Variants in PDE7B observed in about 807,000 individuals in gnomAD.
PDE7B encodes the protein 3',5'-cyclic-AMP phosphodiesterase 7B.
PDE7B carries 29 observed loss-of-function variants against 56.2 expected under a neutral mutation model. The ratio of observed to expected loss-of-function variants is 0.52; its 90% CI spans 0.38 to 0.70. PDE7B has a LOEUF of 0.70. Among genes scored for constraint, PDE7B ranks in the 30% least tolerant of loss-of-function variants. The pLI, the probability that PDE7B is intolerant of heterozygous loss-of-function variation, is 0.00. For missense variants in PDE7B, 490 were observed against 565.0 expected, an observed-to-expected ratio of 0.87 and a Z score of 1.35; for synonymous variants, 197 against 196.9, an observed-to-expected ratio of 1.00 and a Z score of 0.00.
intron 1 of PDE7B, among the ~76,000 whole-genome samples, chr6:135,945,013 G>C (rs1337597347): frequency 6.6e-6 from 1 of 152,178 alleles, no homozygotes. Context: ...TTGCCTAGAA[G>C]TTTAGAACAT....
chr6:136,147,427 A>G lies in PDE7B; in HGVS notation c.243A>G (p.Ala81=), dbSNP rs541320660. 14 of 1,613,566 alleles carry G rather than the reference A, an allele frequency of 8.7e-6. No individual in the cohort carries two copies. In the South Asian group the frequency reaches 1.4e-4, roughly 16 times the overall value. Reference sequence around the variant, plus strand: ...TAAGCTTTCAAAGATACTTCCATGCATCAAGGCTGCTTCGTGGAATTATAC... The same window carrying G: ...TAAGCTTTCAAAGATACTTCCATGCGTCAAGGCTGCTTCGTGGAATTATAC... ...RLLSFQRYFH[A]SRLLRGIIPQ... is the part of the protein sequence containing the mutation. Residue 81 remains alanine (A), a synonymous_variant, in exon 4 of 13, where the codon GCA becomes GCG. Coordinates refer to ENST00000308191, the MANE Select transcript of PDE7B (RefSeq NM_018945.4).
intron 1 of PDE7B, among the ~76,000 whole-genome samples, chr6:135,886,486 C>T (rs114764586): frequency 0.022 from 3,320 of 151,808 alleles, 135 homozygotes; most frequent in African/African-American, 0.075. Flanking sequence ...GAGCAGCATA[C>T]ACTGTACTCA....
chr6:136,154,201 C>T, intron 7 of PDE7B, 26 bp downstream of exon 7: 2 of 1,475,818 alleles, frequency 1.4e-6, no homozygotes, highest in Non-Finnish European at 1.9e-6. Flanking sequence ...GCTGCCTCCT[C>T]AGCCACCTGG....
intron 1 of PDE7B, among the ~76,000 whole-genome samples, chr6:135,935,016 TAAATATATA>T (rs1774384951): frequency 4.6e-5 from 3 of 65,542 alleles, no homozygotes; most frequent in East Asian, 1.1e-3. Flanking sequence ...TATATATAAA[TAAATATATA>T]ATATATATTT....
At chr6:136,124,031 T>C (rs994656808) in intron 3 of PDE7B, among the ~76,000 whole-genome samples, 1 of 152,210 alleles carries the variant, frequency 6.6e-6, no homozygotes, top group Admixed American at 6.5e-5. Flanking sequence ...GAACTTTCTA[T>C]TGAACAGTTC....
At chr6:135,985,238 G>C (rs1212461394) in intron 2 of PDE7B, among the ~76,000 whole-genome samples, 1 of 152,150 alleles carries the variant, frequency 6.6e-6, no homozygotes, top group African/African-American at 2.4e-5. Context: ...CCATATAGCT[G>C]TTTCCTTATT....
intron 2 of PDE7B, among the ~76,000 whole-genome samples, chr6:136,009,987 C>T (rs1209388155): frequency 6.6e-6 from 1 of 152,150 alleles, no homozygotes; most frequent in Non-Finnish European, 1.5e-5. Flanking sequence ...CTTCTGCTAG[C>T]TTTGGGGTTG....
chr6:136,132,736 T>A (rs1038213), intron 3 of PDE7B, among the ~76,000 whole-genome samples: 73,669 of 151,998 alleles, frequency 0.48, 19,752 homozygotes, highest in African/African-American at 0.74. Context: ...GTCTTTGGGA[T>A]CCATTCAGAC....
chr6:135,979,970 C>T (rs1285625656), intron 2 of PDE7B, among the ~76,000 whole-genome samples: 10 of 152,068 alleles, frequency 6.6e-5, no homozygotes, highest in Admixed American at 6.6e-4. Context: ...CAAAAAAGAG[C>T]CCACATCGCC....
intron 2 of PDE7B, among the ~76,000 whole-genome samples, chr6:135,978,835 T>A (rs1775239576): frequency 1.3e-5 from 2 of 152,106 alleles, no homozygotes; most frequent in Admixed American, 1.3e-4. Context: ...AGGGACAATT[T>A]GACTTCCTCT....
At chr6:135,977,719 G>A (rs375479229) in intron 2 of PDE7B, among the ~76,000 whole-genome samples, 7 of 152,102 alleles carry the variant, frequency 4.6e-5, no homozygotes, top group Admixed American at 3.3e-4. Context: ...TGAGAGAAAG[G>A]GGGTGGGTTA....
intron 1 of PDE7B, among the ~76,000 whole-genome samples, chr6:135,935,200 A>ATATATTTT (rs1774398905): frequency 7.0e-5 from 6 of 86,020 alleles, no homozygotes; most frequent in Admixed American, 1.6e-4. Flanking sequence ...TTATATATAT[A>ATATATTTT]TATATATATA....
Position 136,110,711 on chromosome 6 carries a change from CAT to C in PDE7B, c.166+1898_166+1899del, listed in dbSNP as rs1491132362. On this transcript the variant is annotated intron_variant, in intron 3 of 12. Transcript: ENST00000308191. ...TTATCTACATCATAGGATTCTGCAACATTTTTTTTTTTTTTTTTTTTTACAAT... is the reference window on the plus strand; with the variant it reads ...TTATCTACATCATAGGATTCTGCAACTTTTTTTTTTTTTTTTTTTTACAAT... Among the ~76,000 whole-genome samples the C allele has an allele frequency of 6.6e-4, 92 of 138,632 alleles. 1 individual carries two copies. The highest frequency in any genetic ancestry group is 2.5e-3 in the African/African-American group (89 of 35,352). 90.9% of individuals were successfully genotyped at this position (138,632 alleles called of 152,430 possible).
At chr6:135,973,048 G>A (rs546370375) in intron 2 of PDE7B, among the ~76,000 whole-genome samples, 1 of 152,162 alleles carries the variant, frequency 6.6e-6, no homozygotes, top group South Asian at 2.1e-4. Flanking sequence ...TTGACTACTG[G>A]TGCAATGTTT....
At chr6:136,138,892 G>A (rs1047029529) in intron 3 of PDE7B, among the ~76,000 whole-genome samples, 1 of 152,124 alleles carries the variant, frequency 6.6e-6, no homozygotes, top group Non-Finnish European at 1.5e-5. Flanking sequence ...TATGCTACAT[G>A]TTTTAACCTA....
rs534080852 is a variant in PDE7B, at chr6:136,140,980, T to G, written c.167-6371T>G. ...ATTTCCTTCTCCTGCCTGATTGTCC[T>G]GGCCAGAACTTCCAACACTATGTTG... On this transcript the variant is annotated intron_variant, in intron 3 of 12. Coordinates refer to ENST00000308191, the MANE Select transcript of PDE7B (RefSeq NM_018945.4). Among the ~76,000 whole-genome samples the G allele has an allele frequency of 3.5e-4, 54 of 152,294 alleles. 1 individual carries two copies. The South Asian group carries it at 0.011, about 30-fold the overall frequency.
At chr6:136,171,448 T>A (rs949641368) in intron 8 of PDE7B, among the ~76,000 whole-genome samples, 20 of 152,126 alleles carry the variant, frequency 1.3e-4, no homozygotes, top group African/African-American at 4.6e-4. Flanking sequence ...GGAGTCTGAA[T>A]GTGTCACCAG....
At chr6:135,897,157 C>A (rs1276926396) in intron 1 of PDE7B, among the ~76,000 whole-genome samples, 1 of 152,112 alleles carries the variant, frequency 6.6e-6, no homozygotes, top group Admixed American at 6.6e-5. Flanking sequence ...TGTTAACTTT[C>A]ACATCTCCAA....
chr6:136,169,637 C>T lies in PDE7B; in HGVS notation c.712-4160C>T, dbSNP rs55936024. ...AAAACTCATGGGAGGGCACTCATGT[C>T]CACATCTACTTGAATTAGTCTTGCA... On this transcript the variant is annotated intron_variant, in intron 8 of 12. Transcript: ENST00000308191. 3.8e-3 allele frequency among the ~76,000 whole-genome samples: 582 copies of T among 152,276 alleles called. 7 individuals carry two copies. Among genetic ancestry groups the T allele is most frequent in the Middle Eastern group, 0.014 (4 of 294 alleles).
Sources: gnomAD v4.1 joint callset for allele counts (sites outside exome capture counted in the v4.1 genomes callset) on GRCh38, gnomAD v4.1.1 for gene constraint, MANE v1.5 for transcripts, NCBI Gene and HGNC (gene_info 2026-07-23, HGNC 2026-07-21) for gene names.